Variants in PARD3B observed in about 807,000 individuals in gnomAD.
The protein encoded by PARD3B is partitioning defective 3 homolog B.
PARD3B carries 103 observed loss-of-function variants against 130.2 expected under a neutral mutation model. That is an observed-to-expected ratio of 0.79 (90% CI 0.67 to 0.93). PARD3B has a LOEUF of 0.93. Ranked by LOEUF, PARD3B falls within the 40% of genes least tolerant of loss-of-function variation. The probability of loss-of-function intolerance (pLI) is 0.00; values close to 1 mark genes in which losing one functional copy is unlikely to be tolerated. For synonymous variants in PARD3B, 583 were observed against 553.2 expected (o/e 1.05, Z -0.76); for missense variants, 1,609 against 1,499.2 (o/e 1.07, Z -1.21).
chr2:205,418,011 A>T (rs2046839580), intron 19 of PARD3B, among the ~76,000 whole-genome samples: 1 of 151,328 alleles, frequency 6.6e-6, no homozygotes, highest in African/African-American at 2.4e-5. Context: ...TTCTTTCCTC[A>T]TTTTTCATTT....
intron 16 of PARD3B, among the ~76,000 whole-genome samples, chr2:205,252,719 C>T (rs1428641643): frequency 6.6e-6 from 1 of 151,878 alleles, no homozygotes. Flanking sequence ...CATACAGACT[C>T]ACACCAAATG....
At chr2:205,227,112 T>C (rs2125885688) in intron 15 of PARD3B, among the ~76,000 whole-genome samples, 1 of 152,260 alleles carries the variant, frequency 6.6e-6, no homozygotes. Flanking sequence ...TGGTCTACCC[T>C]TCAGAATGAT....
At position 204,887,374 on chromosome 2, in the gene PARD3B, C is replaced by T. The variant is rs548270457; in HGVS notation, c.223-77778C>T. On this transcript the variant is annotated intron_variant, in intron 2 of 22. Coordinates refer to ENST00000406610, the MANE Select transcript of PARD3B (RefSeq NM_001302769.2). This position sits in a 1 kb window ranked among gnomAD's most constrained non-coding sequence, Gnocchi z 4.2. Reference sequence around the variant, plus strand: ...AGCATTAGTGGAATATTACTGAAGCCGAAGCCATTACTTGGTTGTGATTTA... The same window carrying T: ...AGCATTAGTGGAATATTACTGAAGCTGAAGCCATTACTTGGTTGTGATTTA... 7.2e-5 allele frequency among the ~76,000 whole-genome samples: 11 copies of T among 152,174 alleles called. No individual in the cohort carries two copies. In the East Asian group the frequency reaches 9.7e-4, roughly 13 times the overall value.
intron 1 of PARD3B, among the ~76,000 whole-genome samples, chr2:204,600,020 A>G (rs1163831341): frequency 6.6e-6 from 1 of 151,576 alleles, no homozygotes; most frequent in Non-Finnish European, 1.5e-5. Context: ...GCATTTGCTC[A>G]TTTTTAAATT....
chr2:204,956,544 A>G (rs72940485), intron 2 of PARD3B, among the ~76,000 whole-genome samples: 14,777 of 135,562 alleles, frequency 0.11, 754 homozygotes, highest in Non-Finnish European at 0.13. Context: ...GTGTGTGTGT[A>G]TGTGTGTCCA....
intron 1 of PARD3B, among the ~76,000 whole-genome samples, chr2:204,580,254 C>T (rs1180119418): frequency 2.6e-5 from 4 of 152,110 alleles, no homozygotes; most frequent in East Asian, 3.9e-4. Flanking sequence ...TACTTTCTCT[C>T]TCTTGTTCCA....
At chr2:204,756,280 G>A (rs555609702) in intron 2 of PARD3B, among the ~76,000 whole-genome samples, 4 of 152,144 alleles carry the variant, frequency 2.6e-5, no homozygotes, top group African/African-American at 9.6e-5. Flanking sequence ...ATCAGTTGGT[G>A]TTTCTTTATG....
At position 205,365,529 on chromosome 2, in the gene PARD3B, G is replaced by A. The variant is rs1473361698; in HGVS notation, c.2631-35484G>A. On this transcript the variant is annotated intron_variant, in intron 18 of 22. Coordinates refer to ENST00000406610, the MANE Select transcript of PARD3B (RefSeq NM_001302769.2). ...TCTGCCCTCCAAGTGTCACATCAGG[G>A]CCATATCCACCCAACCTTCCTTTTT... Among the ~76,000 whole-genome samples the A allele has an allele frequency of 5.0e-5, 7 of 139,714 alleles. No homozygotes were observed. The East Asian group carries it at 1.0e-3, about 20-fold the overall frequency. The allele number at this position is 139,714 out of a possible 152,430, so 91.7% of individuals were successfully genotyped here. A position where few individuals can be genotyped will look rare whatever the true frequency, so the allele number is the denominator to read the frequency against.
At chr2:204,566,868 G>C (rs2031700137) in intron 1 of PARD3B, among the ~76,000 whole-genome samples, 1 of 150,852 alleles carries the variant, frequency 6.6e-6, no homozygotes, top group Admixed American at 6.6e-5. Context: ...AGGAAAGCAG[G>C]CTTTCTAAAC....
intron 2 of PARD3B, among the ~76,000 whole-genome samples, chr2:204,772,153 A>T (rs1171537790): frequency 1.3e-5 from 2 of 152,072 alleles, no homozygotes; most frequent in African/African-American, 4.8e-5. Flanking sequence ...AACAGTAGTT[A>T]TTAATAGTAT....
chr2:205,135,610 G>A (rs1325301517), intron 10 of PARD3B, among the ~76,000 whole-genome samples: 1 of 149,138 alleles, frequency 6.7e-6, no homozygotes, highest in African/African-American at 2.5e-5. Flanking sequence ...GTAAAACAGA[G>A]ATAGACACTT....
intron 2 of PARD3B, among the ~76,000 whole-genome samples, chr2:204,951,993 T>C (rs1689815069): frequency 2.0e-5 from 3 of 152,200 alleles, no homozygotes. Flanking sequence ...GATTGATGAC[T>C]GGATAGTGGG....
chr2:205,186,691 C>T (rs1436869360), intron 14 of PARD3B, among the ~76,000 whole-genome samples: 1 of 152,086 alleles, frequency 6.6e-6, no homozygotes, highest in Non-Finnish European at 1.5e-5. Flanking sequence ...GGAAGCTCAC[C>T]TATATTTAGC....
At chr2:205,302,763 T>C (rs2042057220) in intron 18 of PARD3B, among the ~76,000 whole-genome samples, 1 of 152,068 alleles carries the variant, frequency 6.6e-6, no homozygotes, top group Admixed American at 6.6e-5. Flanking sequence ...TGTCACTGGG[T>C]CTGGGCTCTG....
intron 18 of PARD3B, among the ~76,000 whole-genome samples, chr2:205,349,813 TTTTTTTTA>T (rs1436553333): frequency 1.4e-5 from 2 of 147,844 alleles, no homozygotes; most frequent in South Asian, 2.1e-4. Flanking sequence ...TTTTTTTTTT[TTTTTTTTA>T]AAAAAAGAGG....
intron 3 of PARD3B, among the ~76,000 whole-genome samples, chr2:205,009,380 T>C (rs183033593): frequency 8.5e-4 from 130 of 152,230 alleles, no homozygotes; most frequent in African/African-American, 3.0e-3. Context: ...AATTTTATAG[T>C]GTACACACCA....
At chr2:205,140,556 T>A (rs1419688658) in intron 10 of PARD3B, among the ~76,000 whole-genome samples, 1 of 146,340 alleles carries the variant, frequency 6.8e-6, no homozygotes, top group Non-Finnish European at 1.5e-5. Flanking sequence ...ATCATCCTAA[T>A]AGGATGTTAG....
At chr2:205,033,101 G>C (rs1243872798) in intron 3 of PARD3B, among the ~76,000 whole-genome samples, 1 of 152,074 alleles carries the variant, frequency 6.6e-6, no homozygotes, top group African/African-American at 2.4e-5. Context: ...CTAAAATTTA[G>C]GATAAGAGAA....
intron 22 of PARD3B, among the ~76,000 whole-genome samples, chr2:205,599,722 T>C (rs1395253204): frequency 6.6e-6 from 1 of 152,230 alleles, no homozygotes. Flanking sequence ...AAAGAGTTTC[T>C]GCATTCAGGT....
Sources: gnomAD v4.1 joint callset for allele counts (sites outside exome capture counted in the v4.1 genomes callset) on GRCh38, gnomAD v4.1.1 for gene constraint, Gnocchi (gnomAD v3.1) non-coding constraint, MANE v1.5 for transcripts, NCBI Gene and HGNC (gene_info 2026-07-23, HGNC 2026-07-21) for gene names.